Variants in SGCD observed in about 807,000 individuals in gnomAD.
SGCD encodes delta-sarcoglycan.
SGCD carries 18 observed loss-of-function variants against 36.6 expected under a neutral mutation model. The observed-to-expected ratio is 0.49, with a 90% confidence interval of 0.34 to 0.73. The LOEUF (loss-of-function observed/expected upper bound fraction) is 0.73. Among genes scored for constraint, SGCD ranks in the 30% least tolerant of loss-of-function variants. The pLI is 0.01. For missense variants in SGCD, 387 were observed against 346.7 expected, an observed-to-expected ratio of 1.12 and a Z score of -0.92; for synonymous variants, 133 against 130.6, an observed-to-expected ratio of 1.02 and a Z score of -0.12.
chr5:155,746,408 T>G, the SGCD span, among the ~76,000 whole-genome samples: 1 of 151,802 alleles, frequency 6.6e-6, no homozygotes, highest in Non-Finnish European at 1.5e-5. Context: ...AAAAGAACAC[T>G]CCAGGAGAGG....
intron 3 of SGCD, among the ~76,000 whole-genome samples, chr5:156,251,981 A>G (rs1274071338): frequency 6.6e-6 from 1 of 152,222 alleles, no homozygotes. Flanking sequence ...TTAACTATAA[A>G]CTTAATAACT....
intron 3 of SGCD, among the ~76,000 whole-genome samples, chr5:156,374,694 C>T (rs1381591802): frequency 1.5e-5 from 2 of 131,478 alleles, no homozygotes; most frequent in South Asian, 2.7e-4. Context: ...CGGAGTCTTG[C>T]TCTGTTGCCC....
intron 7 of SGCD, among the ~76,000 whole-genome samples, chr5:156,673,624 T>A (rs140580577): frequency 1.3e-5 from 2 of 152,292 alleles, no homozygotes; most frequent in East Asian, 3.9e-4. Context: ...CACTCCAGAA[T>A]AACAAAGCAC....
intron 1 of SGCD, among the ~76,000 whole-genome samples, chr5:156,028,631 C>G (rs1759275193): frequency 6.6e-6 from 1 of 151,952 alleles, no homozygotes; most frequent in South Asian, 2.1e-4. Flanking sequence ...TTCTATCAGT[C>G]AGAATATTAT....
chr5:156,524,112 A>T (rs1489796497), intron 4 of SGCD, among the ~76,000 whole-genome samples: 9 of 31,878 alleles, frequency 2.8e-4, no homozygotes, highest in Non-Finnish European at 5.4e-4. Context: ...ATATATATAT[A>T]TATATATATA....
chr5:155,857,812 T>C, the SGCD span, among the ~76,000 whole-genome samples: 1 of 152,234 alleles, frequency 6.6e-6, no homozygotes, highest in Non-Finnish European at 1.5e-5. Context: ...GGGCAGCATG[T>C]ACTTAGATGT....
At chr5:156,441,258 GAC>G (rs1301531810) in intron 3 of SGCD, among the ~76,000 whole-genome samples, 3 of 152,122 alleles carry the variant, frequency 2.0e-5, no homozygotes, top group African/African-American at 7.2e-5. Context: ...ATTGGTCATA[GAC>G]ACAGCGTTGG....
the SGCD span, among the ~76,000 whole-genome samples, chr5:155,728,905 AGAG>A: frequency 1.3e-5 from 2 of 152,184 alleles, no homozygotes; most frequent in Admixed American, 1.3e-4. Context: ...GTGGCCCAGG[AGAG>A]GAGCGAGACA....
intron 1 of SGCD, among the ~76,000 whole-genome samples, chr5:155,883,863 G>A (rs924007881): frequency 2.6e-5 from 4 of 151,122 alleles, no homozygotes; most frequent in East Asian, 1.9e-4. Flanking sequence ...AATAAATGAG[G>A]TATGCCATTT....
intron 3 of SGCD, among the ~76,000 whole-genome samples, chr5:156,382,926 T>G (rs1771062131): frequency 6.6e-6 from 1 of 152,246 alleles, no homozygotes; most frequent in Non-Finnish European, 1.5e-5. Context: ...GGTACTCCAT[T>G]CATGGCAAAT....
chr5:155,807,451 G>C, the SGCD span, among the ~76,000 whole-genome samples: 1 of 152,214 alleles, frequency 6.6e-6, no homozygotes, highest in Non-Finnish European at 1.5e-5. Flanking sequence ...GCTCTGACTT[G>C]TGGTTAATAT....
chr5:156,315,367 G>T (rs1767489067), intron 3 of SGCD, among the ~76,000 whole-genome samples: 1 of 151,562 alleles, frequency 6.6e-6, no homozygotes, highest in Non-Finnish European at 1.5e-5. Flanking sequence ...ATTTATCCAG[G>T]TTGTCACAAA....
intron 3 of SGCD, among the ~76,000 whole-genome samples, chr5:156,506,550 C>T (rs1482353767): frequency 1.3e-5 from 2 of 152,052 alleles, no homozygotes; most frequent in African/African-American, 4.8e-5. Flanking sequence ...TAGGATCACC[C>T]TGTAACATCT....
chr5:155,824,175 T>C, the SGCD span, among the ~76,000 whole-genome samples: 1 of 152,212 alleles, frequency 6.6e-6, no homozygotes, highest in Non-Finnish European at 1.5e-5. Context: ...TAATGAATTA[T>C]GTGAGGATTG....
chr5:155,879,047 A>G (rs1415149296), intron 1 of SGCD, among the ~76,000 whole-genome samples: 1 of 152,074 alleles, frequency 6.6e-6, no homozygotes, highest in African/African-American at 2.4e-5. Flanking sequence ...TCAAGAGGAA[A>G]TAGCTGTGAT....
chr5:156,015,367 C>A (rs1337684782), intron 1 of SGCD, among the ~76,000 whole-genome samples: 2 of 152,084 alleles, frequency 1.3e-5, no homozygotes, highest in African/African-American at 2.4e-5. Context: ...ATTCTTCTGT[C>A]CTTTTTATAC....
chr5:156,599,752 T>C (rs148163142), intron 6 of SGCD, among the ~76,000 whole-genome samples: 1 of 152,342 alleles, frequency 6.6e-6, no homozygotes, highest in East Asian at 1.9e-4. Context: ...TGCATGACTT[T>C]CCTGGGGAAA....
At chr5:155,820,064 G>A in the SGCD span, among the ~76,000 whole-genome samples, 1 of 152,118 alleles carries the variant, frequency 6.6e-6, no homozygotes, top group African/African-American at 2.4e-5. Context: ...AGACCAGAAT[G>A]TCCAAGCAGT....
chr5:156,418,769 A>C (rs895211726), intron 3 of SGCD, among the ~76,000 whole-genome samples: 5 of 152,218 alleles, frequency 3.3e-5, no homozygotes, highest in Non-Finnish European at 1.5e-5. Context: ...CCAGTGTGAG[A>C]GCTTCCATAG....
Sources: allele counts gnomAD v4.1 joint callset (sites outside exome capture counted in the v4.1 genomes callset), GRCh38; gene constraint gnomAD v4.1.1; transcripts MANE v1.5; gene names NCBI Gene and HGNC (gene_info 2026-07-23, HGNC 2026-07-21).